CSMD1: variants seen among roughly 807,000 people sequenced by gnomAD.
The protein encoded by CSMD1 is CUB and sushi domain-containing protein 1.
A neutral mutation model predicts 417.5 loss-of-function variants in CSMD1; 213 were observed. That is an observed-to-expected ratio of 0.51 (90% CI 0.46 to 0.57). CSMD1 has a LOEUF of 0.57. Ranked by LOEUF, CSMD1 falls within the 20% of genes least tolerant of loss-of-function variation. The probability of loss-of-function intolerance (pLI) is 0.00; values close to 1 mark genes in which losing one functional copy is unlikely to be tolerated. For synonymous variants in CSMD1, 2,862 were observed against 1,736.8 expected (o/e 1.65, Z -16.11); for missense variants, 6,923 against 4,529.7 (o/e 1.53, Z -15.17).
intron 5 of CSMD1, among the ~76,000 whole-genome samples, chr8:3,826,658 G>A (rs1002123168): frequency 7.9e-5 from 12 of 152,194 alleles, no homozygotes; most frequent in South Asian, 2.1e-4. Context: ...TCTGCAGCTC[G>A]GGCATGGGTT....
At chr8:3,999,109 G>T (rs1040017905) in intron 4 of CSMD1, among the ~76,000 whole-genome samples, 1 of 150,972 alleles carries the variant, frequency 6.6e-6, no homozygotes, top group Admixed American at 6.6e-5. Context: ...ATGTTTTAAA[G>T]CATGTTTTTT....
intron 1 of CSMD1, among the ~76,000 whole-genome samples, chr8:4,852,107 A>G (rs1236663729): frequency 6.6e-6 from 1 of 152,164 alleles, no homozygotes; most frequent in Non-Finnish European, 1.5e-5. Context: ...TTACTTGTGA[A>G]ACTGCTATTT....
intron 5 of CSMD1, among the ~76,000 whole-genome samples, chr8:3,955,810 G>C (rs888670562): frequency 6.6e-6 from 1 of 152,178 alleles, no homozygotes; most frequent in Non-Finnish European, 1.5e-5. Flanking sequence ...ATCTCTGGTT[G>C]ATTAACTGAG....
chr8:3,986,850 G>A (rs572345002), intron 5 of CSMD1, among the ~76,000 whole-genome samples: 1 of 152,086 alleles, frequency 6.6e-6, no homozygotes. Flanking sequence ...CTGCTCCCAG[G>A]TTCAAGCAAT....
At chr8:3,974,599 C>A (rs1022427079) in intron 5 of CSMD1, among the ~76,000 whole-genome samples, 12 of 151,798 alleles carry the variant, frequency 7.9e-5, no homozygotes, top group Admixed American at 3.3e-4. Flanking sequence ...TAATAACAAC[C>A]CTTGTTTTTA....
intron 10 of CSMD1, among the ~76,000 whole-genome samples, chr8:3,570,834 G>A (rs966815949): frequency 6.6e-6 from 1 of 152,082 alleles, no homozygotes; most frequent in Non-Finnish European, 1.5e-5. Flanking sequence ...TTCACTTTCC[G>A]GGATCTTGAC....
chr8:3,843,867 G>C (rs926081658), intron 5 of CSMD1, among the ~76,000 whole-genome samples: 6 of 152,212 alleles, frequency 3.9e-5, no homozygotes, highest in African/African-American at 1.4e-4. Context: ...AAGAGGGACA[G>C]ATATTGTGAG....
At chr8:3,858,526 A>C (rs1804468985) in intron 5 of CSMD1, among the ~76,000 whole-genome samples, 1 of 152,232 alleles carries the variant, frequency 6.6e-6, no homozygotes, top group African/African-American at 2.4e-5. Flanking sequence ...AATTTTGAAT[A>C]AAAGTGCATA....
intron 3 of CSMD1, among the ~76,000 whole-genome samples, chr8:4,059,509 T>C (rs1417431619): frequency 6.6e-6 from 1 of 152,056 alleles, no homozygotes; most frequent in South Asian, 2.1e-4. Context: ...CAGGAGCTGG[T>C]TTTTTGAAAG....
At chr8:3,923,868 G>A (rs1809455432) in intron 5 of CSMD1, among the ~76,000 whole-genome samples, 1 of 151,910 alleles carries the variant, frequency 6.6e-6, no homozygotes, top group Non-Finnish European at 1.5e-5. Context: ...TGCAGTATTT[G>A]TCTTTCTTTG....
At chr8:3,592,470 C>G (rs534442604) in intron 8 of CSMD1, among the ~76,000 whole-genome samples, 1 of 152,074 alleles carries the variant, frequency 6.6e-6, no homozygotes, top group East Asian at 1.9e-4. Flanking sequence ...TTTTCTTCAG[C>G]GTGACATTCA....
At chr8:3,808,373 G>A (rs930388093) in intron 5 of CSMD1, among the ~76,000 whole-genome samples, 3 of 152,108 alleles carry the variant, frequency 2.0e-5, no homozygotes, top group Admixed American at 6.6e-5. Flanking sequence ...TCAAAGGACT[G>A]ACTGTGATAA....
intron 5 of CSMD1, among the ~76,000 whole-genome samples, chr8:3,855,337 G>A (rs574553739): frequency 6.6e-6 from 1 of 152,064 alleles, no homozygotes; most frequent in East Asian, 1.9e-4. Context: ...CATCCAGAAG[G>A]AAATACACTC....
chr8:4,629,652 G>C (rs888655481), intron 2 of CSMD1, among the ~76,000 whole-genome samples: 3 of 152,114 alleles, frequency 2.0e-5, no homozygotes, highest in Non-Finnish European at 4.4e-5. Flanking sequence ...TGCCTAGAAA[G>C]ACACTTAGAC....
In CSMD1 at chr8:3,487,887, G is replaced by A. The variant is rs74450944; in HGVS notation, c.1448+5736C>T. Among the ~76,000 whole-genome samples, 36 of 152,072 alleles carry A rather than the reference G, an allele frequency of 2.4e-4. No homozygotes were observed. In the East Asian group the frequency reaches 5.4e-3, roughly 23 times the overall value. On this transcript the variant is annotated intron_variant, in intron 11 of 69. Coordinates refer to ENST00000635120, the MANE Select transcript of CSMD1 (RefSeq NM_033225.6). ...TAACATTACCAATTTTTTCTAACAAGATCCCATCAACATTTTGATATTAAT... is the reference window on the plus strand; with the variant it reads ...TAACATTACCAATTTTTTCTAACAAAATCCCATCAACATTTTGATATTAAT...
chr8:2,996,444 T>C (rs1014768874), intron 54 of CSMD1, among the ~76,000 whole-genome samples: 8 of 152,226 alleles, frequency 5.3e-5, no homozygotes, highest in African/African-American at 1.9e-4. Flanking sequence ...ATGAAGCATA[T>C]TGCTAATGCA....
At chr8:3,760,587 C>T (rs1797938207) in intron 5 of CSMD1, among the ~76,000 whole-genome samples, 1 of 152,228 alleles carries the variant, frequency 6.6e-6, no homozygotes. Context: ...CATTTTACAG[C>T]ACTCTGTATG....
At chr8:3,578,009 C>A (rs1382909594) in intron 9 of CSMD1, among the ~76,000 whole-genome samples, 1 of 152,068 alleles carries the variant, frequency 6.6e-6, no homozygotes, top group Non-Finnish European at 1.5e-5. Flanking sequence ...GTCTGTTGTC[C>A]CCTAGCTGTC....
intron 37 of CSMD1, among the ~76,000 whole-genome samples, chr8:3,168,127 C>T (rs1820347199): frequency 6.6e-6 from 1 of 151,652 alleles, no homozygotes; most frequent in African/African-American, 2.4e-5. Flanking sequence ...GTGAGGGAAG[C>T]AGACCCATGT....
Sources: gnomAD v4.1 joint callset for allele counts (sites outside exome capture counted in the v4.1 genomes callset) on GRCh38, gnomAD v4.1.1 for gene constraint, MANE v1.5 for transcripts, NCBI Gene and HGNC (gene_info 2026-07-23, HGNC 2026-07-21) for gene names.